DAB1: variants seen among roughly 807,000 people sequenced by gnomAD.
The protein encoded by DAB1 is DAB adaptor protein 1.
DAB1 carries 15 observed loss-of-function variants against 64.6 expected under a neutral mutation model. That is an observed-to-expected ratio of 0.23 (90% CI 0.16 to 0.36). The LOEUF (loss-of-function observed/expected upper bound fraction) is 0.36, where lower values mean the gene tolerates loss of function less well. Among genes scored for constraint, DAB1 ranks in the 10% least tolerant of loss-of-function variants. The pLI, the probability that DAB1 is intolerant of heterozygous loss-of-function variation, is 1.00. For synonymous variants in DAB1, 235 were observed against 251.9 expected (o/e 0.93, Z 0.64); for missense variants, 596 against 706.7 (o/e 0.84, Z 1.78).
intron 4 of DAB1, among the ~76,000 whole-genome samples, chr1:58,321,999 T>C (rs563725337): frequency 1.7e-4 from 26 of 152,344 alleles, no homozygotes; most frequent in Non-Finnish European, 3.2e-4. Flanking sequence ...AACTGGGGGA[T>C]ACCTCCAAGT....
chr1:57,442,151 T>C (rs1685982712), intron 7 of DAB1, among the ~76,000 whole-genome samples: 1 of 152,186 alleles, frequency 6.6e-6, no homozygotes, highest in Admixed American at 6.5e-5. Flanking sequence ...TTATCTGAGA[T>C]AATAATGGGG....
chr1:57,261,236 T>C (rs535420752), intron 2 of DAB1, among the ~76,000 whole-genome samples: 104 of 152,230 alleles, frequency 6.8e-4, no homozygotes, highest in African/African-American at 2.4e-3. Context: ...CAGTCTTCAC[T>C]GAAAATCAAT....
chr1:57,695,378 A>G (rs1646824450), intron 6 of DAB1, among the ~76,000 whole-genome samples: 1 of 68,338 alleles, frequency 1.5e-5, no homozygotes, highest in East Asian at 4.7e-4. Context: ...GAAAGAAAGA[A>G]AGAAAGAAAG....
intron 2 of DAB1, among the ~76,000 whole-genome samples, chr1:57,270,461 T>C (rs1670907354): frequency 1.3e-5 from 2 of 152,232 alleles, no homozygotes; most frequent in Non-Finnish European, 1.5e-5. Context: ...TTCATAGCTA[T>C]GCCCAAAACC....
chr1:58,441,605 A>T (rs1162484209), intron 3 of DAB1, among the ~76,000 whole-genome samples: 1 of 152,068 alleles, frequency 6.6e-6, no homozygotes, highest in African/African-American at 2.4e-5. Flanking sequence ...TGATTTCCTC[A>T]GTTATAAAAG....
intron 6 of DAB1, among the ~76,000 whole-genome samples, chr1:57,698,513 C>T (rs1254945827): frequency 6.6e-6 from 1 of 152,130 alleles, no homozygotes; most frequent in Non-Finnish European, 1.5e-5. Flanking sequence ...ATTATAACTA[C>T]TTATTTATTT....
At chr1:57,328,596 A>C (rs1306538643) in intron 1 of DAB1, among the ~76,000 whole-genome samples, 3 of 152,190 alleles carry the variant, frequency 2.0e-5, no homozygotes, top group Admixed American at 1.3e-4. Flanking sequence ...AAACATTCTA[A>C]AACTATGGAC....
Position 57,110,857 on chromosome 1 carries a change from G to C in DAB1, c.306+25686C>G, listed in dbSNP as rs114411830. On this transcript the variant is annotated intron_variant, in intron 4 of 14. Transcript: ENST00000371236. ...GACAAAACTGAGATCTAAAGAGATG[G>C]AGCAACTTGCCTGAAATCACACATC... Among the ~76,000 whole-genome samples the C allele has an allele frequency of 9.7e-3, 1,469 of 152,146 alleles. 30 individuals are homozygous for C. The highest frequency in any genetic ancestry group is 0.049 in the Admixed American group (742 of 15,286).
At chr1:57,323,477 T>A (rs1199182227) in intron 1 of DAB1, among the ~76,000 whole-genome samples, 1 of 152,188 alleles carries the variant, frequency 6.6e-6, no homozygotes, top group Non-Finnish European at 1.5e-5. Flanking sequence ...TAAAGATTTC[T>A]TATTCCCCAT....
At chr1:58,418,169 TTGCTG>T (rs2100216115) in intron 3 of DAB1, among the ~76,000 whole-genome samples, 1 of 152,298 alleles carries the variant, frequency 6.6e-6, no homozygotes, top group Non-Finnish European at 1.5e-5. Context: ...TCTTATAGCT[TTGCTG>T]CAAAATAGAA....
intron 5 of DAB1, among the ~76,000 whole-genome samples, chr1:57,935,483 A>G (rs576766689): frequency 9.8e-5 from 15 of 152,350 alleles, no homozygotes; most frequent in African/African-American, 2.9e-4. Flanking sequence ...AATGAAAACA[A>G]TGTTACTGCT....
intron 4 of DAB1, among the ~76,000 whole-genome samples, chr1:58,176,746 G>A (rs968701525): frequency 1.3e-5 from 2 of 152,140 alleles, no homozygotes; most frequent in South Asian, 2.1e-4. Context: ...TTGGGAGGCC[G>A]AGGCAGGCAG....
intron 7 of DAB1, among the ~76,000 whole-genome samples, chr1:57,624,219 T>G (rs1022508093): frequency 6.6e-6 from 1 of 152,246 alleles, no homozygotes; most frequent in Admixed American, 6.5e-5. Flanking sequence ...TAGAAGTCAG[T>G]GAATCAATCA....
chr1:57,598,028 G>T (rs928253640), intron 7 of DAB1, among the ~76,000 whole-genome samples: 5 of 151,932 alleles, frequency 3.3e-5, no homozygotes, highest in Admixed American at 6.6e-5. Context: ...TGTCACCCAG[G>T]CTGCAGTGCA....
chr1:57,311,442 GAA>G (rs5774336), intron 1 of DAB1, among the ~76,000 whole-genome samples: 38 of 150,034 alleles, frequency 2.5e-4, no homozygotes, highest in African/African-American at 8.6e-4. Flanking sequence ...AAAATGAAAA[GAA>G]AAAAAAAATC....
At chr1:58,063,008 G>C (rs1040827495) in intron 5 of DAB1, among the ~76,000 whole-genome samples, 1 of 152,168 alleles carries the variant, frequency 6.6e-6, no homozygotes, top group African/African-American at 2.4e-5. Context: ...AACAAGTACT[G>C]ATTGAGGGAT....
At chr1:57,515,839 C>T (rs1017006976) in intron 7 of DAB1, among the ~76,000 whole-genome samples, 4 of 152,184 alleles carry the variant, frequency 2.6e-5, no homozygotes, top group African/African-American at 7.2e-5. Flanking sequence ...GGTCTTCATG[C>T]TAACTAAAAT....
At chr1:58,435,676 G>T (rs1311222114) in intron 3 of DAB1, among the ~76,000 whole-genome samples, 2 of 152,068 alleles carry the variant, frequency 1.3e-5, no homozygotes, top group Non-Finnish European at 2.9e-5. Context: ...TCCCTGTCAG[G>T]CTTCTCCTAA....
At chr1:57,258,970 C>CA (rs1229443738) in intron 2 of DAB1, among the ~76,000 whole-genome samples, 1 of 152,138 alleles carries the variant, frequency 6.6e-6, no homozygotes, top group East Asian at 1.9e-4. Context: ...TCTCATGCAA[C>CA]AAAAAATGAA....
Sources: gnomAD v4.1 joint callset for allele counts (sites outside exome capture counted in the v4.1 genomes callset) on GRCh38, gnomAD v4.1.1 for gene constraint, MANE v1.5 for transcripts, NCBI Gene and HGNC (gene_info 2026-07-23, HGNC 2026-07-21) for gene names.